The following EXOC3L2 variants were observed in gnomAD, a reference collection of about 807,000 sequenced individuals.
EXOC3L2 encodes exocyst complex component 3 like 2.
EXOC3L2 carries 17 observed loss-of-function variants against 44.4 expected under a neutral mutation model. The ratio of observed to expected loss-of-function variants is 0.38; its 90% CI spans 0.26 to 0.57. The LOEUF (loss-of-function observed/expected upper bound fraction) is 0.57. EXOC3L2 is among the 20% of genes least tolerant of loss of function. The pLI is 0.65. For synonymous variants in EXOC3L2, 256 were observed against 253.7 expected (o/e 1.01, Z -0.09); for missense variants, 541 against 588.4 (o/e 0.92, Z 0.83).
At chr19:45,239,323 T>G (rs1385675363) in intron 1 of EXOC3L2, among the ~76,000 whole-genome samples, 4 of 132,722 alleles carry the variant, frequency 3.0e-5, no homozygotes, top group African/African-American at 8.6e-5. Context: ...GTTCACGCGA[T>G]TCTCCTGCCT....
At chr19:45,233,551 A>G (rs1970051709) in intron 3 of EXOC3L2, among the ~76,000 whole-genome samples, 1 of 152,172 alleles carries the variant, frequency 6.6e-6, no homozygotes, top group African/African-American at 2.4e-5. Context: ...AGATTCTAGT[A>G]GCGTAAGTGT....
chr19:45,242,349 T>G (rs74444983), intron 1 of EXOC3L2, among the ~76,000 whole-genome samples: 16 of 151,944 alleles, frequency 1.1e-4, no homozygotes, highest in Non-Finnish European at 2.2e-4. Context: ...GCTGCAGCCT[T>G]GAACTCCTGG....
chr19:45,219,393 C>CAAAAAAAAAAAAA (rs950797638), intron 8 of EXOC3L2, among the ~76,000 whole-genome samples: 1,174 of 51,418 alleles, frequency 0.023, 28 homozygotes, highest in East Asian at 0.036. Flanking sequence ...GGCCCCGTCT[C>CAAAAAAAAAAAAA]AAAAAAAAAA....
At chr19:45,215,786 G>A (rs866894197) in intron 11 of EXOC3L2, among the ~76,000 whole-genome samples, 4 of 152,134 alleles carry the variant, frequency 2.6e-5, no homozygotes, top group East Asian at 1.9e-4. Flanking sequence ...GCTCCCCTGC[G>A]GGCTGGCCCT....
chr19:45,237,362 G>A (rs1042261738), intron 2 of EXOC3L2, among the ~76,000 whole-genome samples: 1 of 152,038 alleles, frequency 6.6e-6, no homozygotes, highest in Non-Finnish European at 1.5e-5. Flanking sequence ...TTAGCCAGGT[G>A]TGATCATATG....
At chr19:45,233,000 G>A (rs910496194) in intron 3 of EXOC3L2, among the ~76,000 whole-genome samples, 4 of 152,154 alleles carry the variant, frequency 2.6e-5, no homozygotes, top group African/African-American at 9.7e-5. Flanking sequence ...TGGATCACCT[G>A]AGGTTAGGAG....
intron 4 of EXOC3L2, among the ~76,000 whole-genome samples, chr19:45,229,224 TACATATA>T (rs1970001091): frequency 4.8e-5 from 6 of 124,580 alleles, no homozygotes; most frequent in East Asian, 2.4e-4. Context: ...ATTAAATATA[TACATATA>T]TTTATGTATT....
rs575247686 is a variant in EXOC3L2, at chr19:45,236,561, A to C, written c.524-1735T>G. 2.6e-5 allele frequency among the ~76,000 whole-genome samples: 4 copies of C among 151,820 alleles called. No homozygotes were observed. In the South Asian group the frequency reaches 8.3e-4, roughly 32 times the overall value. The stretch of plus-strand genomic sequence containing the variant: ...GGAATAGGAACATGGATGGAATTGA[A>C]AATGGAGGTTGGGGATGGGGGTTTA... On this transcript the variant is annotated intron_variant, in intron 2 of 11. Transcript: ENST00000413988.
At chr19:45,218,340 G>A (rs1969860549) in intron 8 of EXOC3L2, 21 bp from the exon 9 acceptor site, 2 of 1,574,282 alleles carry the variant, frequency 1.3e-6, no homozygotes, top group South Asian at 1.2e-5. Context: ...CAGAGTAGGG[G>A]GTCACGCTCT....
chr19:45,239,551 C>G (rs929038302), intron 1 of EXOC3L2, among the ~76,000 whole-genome samples: 3 of 147,266 alleles, frequency 2.0e-5, no homozygotes, highest in Non-Finnish European at 3.0e-5. Context: ...GAGTCTCACT[C>G]ACTCTGTCAC....
rs546695011 is a variant in EXOC3L2, at chr19:45,228,932, G to A, written c.1270-666C>T. Among the ~76,000 whole-genome samples the A allele has an allele frequency of 2.0e-3, 308 of 151,914 alleles. 5 individuals are homozygous for A. The highest frequency in any genetic ancestry group is 0.013 in the Admixed American group (196 of 15,210). On this transcript the variant is annotated intron_variant, in intron 4 of 11. Transcript: ENST00000413988. ...TAAAAATACAAAAAATTAGCCGGGC[G>A]TGGTGGTGGGCGCCTGTAGTCCCAG...
chr19:45,228,323 T>C, intron 4 of EXOC3L2, 57 bp from the exon 5 acceptor site: 1 of 1,464,766 alleles, frequency 6.8e-7, no homozygotes, highest in Non-Finnish European at 9.4e-7. Context: ...AGGTCTTTTT[T>C]TTTATCTCTT....
intron 1 of EXOC3L2, among the ~76,000 whole-genome samples, chr19:45,240,282 AATTTATTT>A (rs565312801): frequency 6.6e-6 from 1 of 150,792 alleles, no homozygotes; most frequent in Non-Finnish European, 1.5e-5. Context: ...TTAATTAATT[AATTTATTT>A]ATTTATTTAT....
At chr19:45,243,872 C>T (rs1364753947) in intron 1 of EXOC3L2, among the ~76,000 whole-genome samples, 3 of 152,010 alleles carry the variant, frequency 2.0e-5, no homozygotes, top group South Asian at 2.1e-4. Context: ...TTGTGATCCG[C>T]CTGTTTCAGC....
intron 8 of EXOC3L2, among the ~76,000 whole-genome samples, chr19:45,223,798 C>G (rs1969924720): frequency 6.6e-6 from 1 of 150,780 alleles, no homozygotes; most frequent in Non-Finnish European, 1.5e-5. Flanking sequence ...TTGAGACCAG[C>G]CTGGCCAACA....
Position 45,238,742 on chromosome 19 carries a change from C to G in EXOC3L2, c.304G>C (p.Ala102Pro). Residue 102 changes from alanine (A) to proline (P), a missense_variant, in exon 2 of 12, where the codon GCA becomes CCA. Transcript: ENST00000413988. The surrounding 1 kb of genome is among the most constrained non-coding windows in gnomAD (Gnocchi z 5.5). ...VLVPGIRRSS[A>P]DFGLLARLHG... ...AGCCGGGCCAGGAGGCCAAAATCTG[C>G]TGAGCTCCTGCGTATCCCTGGTACC... is the stretch of plus-strand genomic sequence containing the variant. 2.5e-6 allele frequency: 1 copy of G among 398,950 alleles called. No individual in the cohort carries two copies. The highest frequency in any genetic ancestry group is 2.1e-5 in the African/African-American group (1 of 48,750). 24.7% of individuals were successfully genotyped at this position (398,950 alleles called of 1,614,324 possible).
chr19:45,218,874 G>A (rs1335245216), intron 8 of EXOC3L2, among the ~76,000 whole-genome samples: 2 of 152,080 alleles, frequency 1.3e-5, no homozygotes, highest in Non-Finnish European at 2.9e-5. Context: ...GAGGCAGGAG[G>A]GTAGCTTGAG....
chr19:45,238,671 G>T lies in EXOC3L2; in HGVS notation c.375C>A (p.Ala125=). Residue 125 remains alanine, a synonymous_variant, in exon 2 of 12, where the codon GCC becomes GCA. Transcript: ENST00000413988. This position sits in a 1 kb window ranked among gnomAD's most constrained non-coding sequence, Gnocchi z 5.5. ...GTCTCAGGAAGGCCAGTCTCCGGGC[G>T]GCCTCCCCCGCTGCCTCCTCGTCGC... ...AHGDEEAAGE[A]ARRLAFLRLG... is the part of the protein sequence containing the mutation. 5.0e-6 allele frequency: 2 copies of T among 399,160 alleles called. No individual in the cohort carries two copies. Among genetic ancestry groups the T allele is most frequent in the Non-Finnish European group, 8.8e-6 (2 of 226,012 alleles). The allele number at this position is 399,160 out of a possible 1,614,324, so 24.7% of individuals were successfully genotyped here.
At chr19:45,237,729 A>T (rs1970096352) in intron 2 of EXOC3L2, among the ~76,000 whole-genome samples, 1 of 152,158 alleles carries the variant, frequency 6.6e-6, no homozygotes, top group African/African-American at 2.4e-5. Context: ...AGATATGTGA[A>T]GTCTTCACCC....
Sources: gnomAD v4.1 joint callset for allele counts (sites outside exome capture counted in the v4.1 genomes callset) on GRCh38, gnomAD v4.1.1 for gene constraint, Gnocchi (gnomAD v3.1) non-coding constraint, MANE v1.5 for transcripts, NCBI Gene and HGNC (gene_info 2026-07-23, HGNC 2026-07-21) for gene names.